The following COL14A1 variants were observed in gnomAD, a reference collection of about 807,000 sequenced individuals.
COL14A1 encodes the protein collagen alpha-1(XIV) chain.
In COL14A1, 136 loss-of-function variants were observed where a neutral mutation model predicts 230.3. The ratio of observed to expected loss-of-function variants is 0.59; its 90% CI spans 0.51 to 0.68. The LOEUF (loss-of-function observed/expected upper bound fraction) is 0.68. Ranked by LOEUF, COL14A1 falls within the 30% of genes least tolerant of loss-of-function variation. The pLI, the probability that COL14A1 is intolerant of heterozygous loss-of-function variation, is 0.00. For synonymous variants in COL14A1, 792 were observed against 784.1 expected, an observed-to-expected ratio of 1.01 and a Z score of -0.17; for missense variants, 1,976 against 2,215.8, an observed-to-expected ratio of 0.89 and a Z score of 2.17.
At position 120,244,413 on chromosome 8, in the gene COL14A1, G is replaced by A. The variant is rs142831472; in HGVS notation, c.2479+405G>A. Among the ~76,000 whole-genome samples, 191 of 151,946 alleles carry A rather than the reference G, an allele frequency of 1.3e-3. 1 individual carries two copies. The highest frequency in any genetic ancestry group is 1.5e-3 in the Non-Finnish European group (105 of 67,986). On this transcript the variant is annotated intron_variant, in intron 20 of 47. Transcript: ENST00000297848. Reference sequence around the variant, plus strand: ...ATTTACTTTTATTTCCATAGGTTTTGGGGAACAGGTGGTATTTGGTTACAT... The same window carrying A: ...ATTTACTTTTATTTCCATAGGTTTTAGGGAACAGGTGGTATTTGGTTACAT...
chr8:120,153,648 G>T (rs75327661), intron 2 of COL14A1, among the ~76,000 whole-genome samples: 3,421 of 152,294 alleles, frequency 0.022, 45 homozygotes, highest in African/African-American at 0.031. Flanking sequence ...TGTGATTCAT[G>T]CTGCATTATC....
intron 36 of COL14A1, among the ~76,000 whole-genome samples, chr8:120,307,110 T>C (rs1254544988): frequency 6.6e-6 from 1 of 152,194 alleles, no homozygotes; most frequent in Non-Finnish European, 1.5e-5. Flanking sequence ...TGCTCTAGCT[T>C]CCCATGTTGC....
chr8:120,315,828 G>A (rs561601582), intron 39 of COL14A1, 116 bp from the exon 40 acceptor site: 6 of 1,064,954 alleles, frequency 5.6e-6, no homozygotes, highest in African/African-American at 3.2e-5. Flanking sequence ...GGTTACAAAG[G>A]GTTCACCATT....
intron 8 of COL14A1, among the ~76,000 whole-genome samples, chr8:120,202,747 C>G (rs1817291081): frequency 1.3e-5 from 2 of 151,818 alleles, no homozygotes. Context: ...AGTGATCACA[C>G]TCTTTTTTAA....
chr8:120,214,436 T>A (rs1817692500), intron 13 of COL14A1, among the ~76,000 whole-genome samples: 1 of 152,202 alleles, frequency 6.6e-6, no homozygotes, highest in Non-Finnish European at 1.5e-5. Context: ...AAAGAGCTCA[T>A]GAAGCTGTCA....
At chr8:120,202,317 A>G (rs1047844004) in intron 8 of COL14A1, among the ~76,000 whole-genome samples, 2 of 152,222 alleles carry the variant, frequency 1.3e-5, no homozygotes, top group Admixed American at 6.5e-5. Flanking sequence ...CTCCTAAAGC[A>G]AATAGTTCAG....
intron 42 of COL14A1, 52 bp from the exon 43 acceptor site, chr8:120,341,273 T>C: frequency 6.4e-7 from 1 of 1,561,030 alleles, no homozygotes; most frequent in Non-Finnish European, 8.8e-7. Flanking sequence ...TGATTATCAC[T>C]CTTAGCTAAG....
chr8:120,295,311 G>T (rs1358259676), intron 34 of COL14A1, among the ~76,000 whole-genome samples: 1 of 151,818 alleles, frequency 6.6e-6, no homozygotes, highest in East Asian at 1.9e-4. Context: ...TAAACCACAA[G>T]AAAATGGGGC....
In COL14A1 at chr8:120,333,741, G is replaced by A. The variant is rs74658852; in HGVS notation, c.4785+1006G>A. 1.1e-3 allele frequency among the ~76,000 whole-genome samples: 169 copies of A among 152,340 alleles called. 2 individuals carry two copies. In the East Asian group the frequency reaches 0.031, roughly 28 times the overall value. On this transcript the variant is annotated intron_variant, in intron 42 of 47. Transcript: ENST00000297848. ...CGGTATTTCCTTTCTGGAGGCTAGA[G>A]GAGAGAATCTCTTTCCTGGCCTTTT...
At chr8:120,261,124 A>C (rs942353519) in intron 23 of COL14A1, among the ~76,000 whole-genome samples, 1 of 152,210 alleles carries the variant, frequency 6.6e-6, no homozygotes, top group African/African-American at 2.4e-5. Flanking sequence ...CACAAAGAAA[A>C]GATAAATGTT....
chr8:120,255,206 G>A (rs373962680), intron 22 of COL14A1, 34 bp from the exon 23 acceptor site: 200 of 1,509,342 alleles, frequency 1.3e-4, no homozygotes, highest in Non-Finnish European at 1.7e-4. Flanking sequence ...TGTTGTCTGC[G>A]GTGTGATACA....
At chr8:120,213,065 A>T (rs1197622306) in intron 13 of COL14A1, among the ~76,000 whole-genome samples, 1 of 152,230 alleles carries the variant, frequency 6.6e-6, no homozygotes, top group African/African-American at 2.4e-5. Flanking sequence ...TTTTCCACTC[A>T]TATCAAAATT....
At chr8:120,315,705 C>A in intron 39 of COL14A1, 119 bp downstream of exon 39, 1 of 881,888 alleles carries the variant, frequency 1.1e-6, no homozygotes, top group Non-Finnish European at 1.8e-6. Context: ...ATATTAAAGA[C>A]TGCCTGTATT....
intron 13 of COL14A1, among the ~76,000 whole-genome samples, chr8:120,214,416 A>G (rs1817691883): frequency 6.6e-6 from 1 of 152,208 alleles, no homozygotes; most frequent in South Asian, 2.1e-4. Flanking sequence ...TATTTTTACA[A>G]TAAGCCTGTA....
intron 34 of COL14A1, among the ~76,000 whole-genome samples, chr8:120,294,853 A>G (rs1259273319): frequency 1.3e-5 from 2 of 151,888 alleles, no homozygotes; most frequent in African/African-American, 4.8e-5. Flanking sequence ...CCCACGTAAC[A>G]TTCCTGAAAT....
chr8:120,303,005 G>A (rs1820762890), intron 36 of COL14A1, among the ~76,000 whole-genome samples: 1 of 152,138 alleles, frequency 6.6e-6, no homozygotes, highest in Admixed American at 6.5e-5. Flanking sequence ...TGGCAATTGT[G>A]GATGGGATTG....
At chr8:120,275,036 G>A (rs1819795614) in intron 26 of COL14A1, among the ~76,000 whole-genome samples, 1 of 151,402 alleles carries the variant, frequency 6.6e-6, no homozygotes, top group Non-Finnish European at 1.5e-5. Flanking sequence ...AATAGCCAAA[G>A]CACTCCTAAA....
intron 32 of COL14A1, among the ~76,000 whole-genome samples, chr8:120,284,757 T>G (rs964655421): frequency 3.9e-5 from 6 of 152,158 alleles, no homozygotes; most frequent in African/African-American, 1.4e-4. Context: ...AATGAAGAAT[T>G]TTCTTAAAAT....
At chr8:120,184,406 C>T (rs959406082) in intron 5 of COL14A1, among the ~76,000 whole-genome samples, 1 of 151,828 alleles carries the variant, frequency 6.6e-6, no homozygotes, top group Non-Finnish European at 1.5e-5. Flanking sequence ...AGGTGTACAT[C>T]ACTACACCTG....
Sources: gnomAD v4.1 joint callset for allele counts (sites outside exome capture counted in the v4.1 genomes callset) on GRCh38, gnomAD v4.1.1 for gene constraint, MANE v1.5 for transcripts, NCBI Gene and HGNC (gene_info 2026-07-23, HGNC 2026-07-21) for gene names.